The following ZNF174 variants were observed in gnomAD, a reference collection of about 807,000 sequenced individuals.
ZNF174 encodes zinc finger protein 174.
ZNF174 carries 30 observed loss-of-function variants against 38.7 expected under a neutral mutation model. That is an observed-to-expected ratio of 0.78 (90% CI 0.58 to 1.05). The LOEUF is 1.05. ZNF174 is among the 50% of genes least tolerant of loss of function. ZNF174 has a pLI of 0.00. For missense variants in ZNF174, 499 were observed against 495.6 expected (o/e 1.01, Z -0.06); for synonymous variants, 201 against 181.7 (o/e 1.11, Z -0.86).
chr16:3,404,571 C>T lies in ZNF174; in HGVS notation c.548C>T (p.Ala183Val), dbSNP rs751156550. ...SSPAEPSQAGAYDRLSPHHWE... is the reference protein window; with the variant it reads ...SSPAEPSQAGVYDRLSPHHWE... ...CCAGCAGAGCCTTCCCAGGCAGGAG[C>T]TTATGACCGGCTGAGCCCCCATCAT... Residue 183 changes from alanine to valine, a missense_variant, in exon 2 of 3, where the codon GCT becomes GTT. Transcript: ENST00000268655. The T allele has an allele frequency of 6.2e-7, 1 of 1,614,212 alleles. No individual in the cohort carries two copies. The highest frequency in any genetic ancestry group is 2.2e-5 in the East Asian group (1 of 44,876).
intron 2 of ZNF174, chr16:3,405,171 G>T: frequency 8.2e-7 from 1 of 1,221,422 alleles, no homozygotes; most frequent in Non-Finnish European, 1.1e-6. Context: ...AAGCCTGAAT[G>T]ACAGTGACAT....
intron 2 of ZNF174, among the ~76,000 whole-genome samples, chr16:3,406,530 C>CT (rs796884012): frequency 1.5e-4 from 23 of 152,332 alleles, no homozygotes; most frequent in African/African-American, 5.5e-4. Flanking sequence ...TCCCTAGTGA[C>CT]TAATGGTGTT....
chr16:3,406,320 C>T (rs2034055488), intron 2 of ZNF174, among the ~76,000 whole-genome samples: 3 of 152,132 alleles, frequency 2.0e-5, no homozygotes, highest in African/African-American at 7.2e-5. Flanking sequence ...GTGGAATTAC[C>T]ATATGCTAGG....
chr16:3,402,469 C>CT (rs2033951125), intron 1 of ZNF174, 63 bp downstream of exon 1: 6 of 663,086 alleles, frequency 9.0e-6, no homozygotes, highest in Admixed American at 1.0e-4. Context: ...TTTTTTTTTT[C>CT]TTTTTTTGAG....
rs1281249920 is a variant in ZNF174 at position 3,403,984 on chromosome 16, T to G, written c.403-442T>G. On this transcript the variant is annotated intron_variant, in intron 1 of 2. Transcript: ENST00000268655. ...ACCCCTACTACTACTGGGATCTCCT[T>G]ACCAGGAAAGCCTTTGGCAGAACAA... Among the ~76,000 whole-genome samples, 5 of 152,196 alleles carry G rather than the reference T, an allele frequency of 3.3e-5. No individual in the cohort carries two copies. The East Asian group carries it at 7.7e-4, about 23-fold the overall frequency.
In ZNF174 at chr16:3,401,827, C is replaced by G; in HGVS notation, c.-178C>G. The G allele has an allele frequency of 2.7e-6, 2 of 732,866 alleles. No individual in the cohort carries two copies. The highest frequency in any genetic ancestry group is 4.3e-6 in the Non-Finnish European group (2 of 461,558). The allele number at this position is 732,866 out of a possible 1,614,324, so 45.4% of individuals were successfully genotyped here. On this transcript the variant is annotated 5_prime_UTR_variant, in exon 1 of 3. Transcript: ENST00000268655. ...TTCCCACTCCCAGGGACCGCGTTGT[C>G]TTGAGTTTGGCTAGTAAAGGCTAGC...
intron 1 of ZNF174, among the ~76,000 whole-genome samples, chr16:3,403,360 G>C (rs971052218): frequency 1.3e-5 from 2 of 151,292 alleles, no homozygotes; most frequent in African/African-American, 2.4e-5. Context: ...TAGTAGAGAG[G>C]GGGTTTCACT....
At position 3,408,518 on chromosome 16, in the gene ZNF174, C is replaced by A. The variant is rs757509333; in HGVS notation, c.823C>A (p.His275Asn). ...CCCAAATGCTCAAAAGCCATTTGCTCACTACCAGAGACATTGCAGGGTGGA... is the reference window on the plus strand; with the variant it reads ...CCCAAATGCTCAAAAGCCATTTGCTAACTACCAGAGACATTGCAGGGTGGA... The part of the protein sequence containing the change: ...SSPNAQKPFA[H>N]YQRHCRVEYI... The change falls in exon 3 of 3, where the codon CAC (histidine) becomes AAC (asparagine). Residue 275 changes from histidine (H) to asparagine (N), a missense_variant. Transcript: ENST00000268655. 1 of 1,614,166 alleles carries A rather than the reference C, an allele frequency of 6.2e-7. No homozygotes were observed. Among genetic ancestry groups the A allele is most frequent in the Admixed American group, 1.7e-5 (1 of 60,020 alleles).
rs779545978 is a variant in ZNF174 at position 3,408,675 on chromosome 16, A to G, written c.980A>G (p.Lys327Arg). The G allele has an allele frequency of 6.2e-7, 1 of 1,614,148 alleles. No homozygotes were observed. The highest frequency in any genetic ancestry group is 8.5e-7 in the Non-Finnish European group (1 of 1,180,014). Residue 327 changes from lysine to arginine, a missense_variant, in exon 3 of 3, where the codon AAA becomes AGA. Physicochemically the swap from Lys to Arg is conservative, Grantham distance 26 (BLOSUM62 2). Transcript: ENST00000268655. ...QPTRSAKKPY[K>R]CDDCGKSFTW... is the part of the protein sequence containing the mutation. ...ACCCGCTCAGCAAAGAAACCCTACA[A>G]ATGTGATGACTGTGGGAAAAGCTTC...
chr16:3,403,150 CTTTTTTTTTTTTTTTTTTTTTTTT>C (rs753071209), intron 1 of ZNF174, among the ~76,000 whole-genome samples: 6 of 30,974 alleles, frequency 1.9e-4, no homozygotes, highest in Admixed American at 5.2e-4. Context: ...AGCTTATAGT[CTTTTTTTTTTTTTTTTTTTTTTTT>C]TTTTTTTTTT....
At position 3,408,899 on chromosome 16, in the gene ZNF174, C is replaced by T. The variant is rs761098156; in HGVS notation, c.1204C>T (p.Arg402Ter). 7 of 1,609,856 alleles carry T rather than the reference C, an allele frequency of 4.3e-6. No homozygotes were observed. Among genetic ancestry groups the T allele is most frequent in the South Asian group, 1.1e-5 (1 of 90,806 alleles). ...GAGCTCAAACCTTCACCAGCATCAC[C>T]GACTTCACCATGGGGACTAAAAGGA... ...RQSSNLHQHH[R>*]LHHGD is the part of the protein sequence containing the mutation. Residue 402 changes from arginine (R) to a stop codon, truncating the protein, a stop_gained, in exon 3 of 3, where the codon CGA becomes TGA. Coordinates refer to ENST00000268655, the MANE Select transcript of ZNF174 (RefSeq NM_003450.3). LOFTEE classifies it high-confidence loss of function.
At chr16:3,405,496 A>G (rs905353167) in intron 2 of ZNF174, among the ~76,000 whole-genome samples, 2 of 152,086 alleles carry the variant, frequency 1.3e-5, no homozygotes, top group African/African-American at 4.8e-5. Context: ...AGGGGAAGAC[A>G]GGCTCCCGTG....
At chr16:3,405,543 A>AG (rs1409048854) in intron 2 of ZNF174, among the ~76,000 whole-genome samples, 1 of 152,166 alleles carries the variant, frequency 6.6e-6, no homozygotes, top group African/African-American at 2.4e-5. Flanking sequence ...CATTCCAGTG[A>AG]GGGCAGCACC....
rs771582754 is a variant in ZNF174, at chr16:3,402,116, A to C, written c.112A>C (p.Asn38His). Reference sequence around the variant, plus strand: ...GAAACGGGGCCCTCCTCTGCAAAAAAACTGCCCAGATCCTGAGCTCTGCCG... The same window carrying C: ...GAAACGGGGCCCTCCTCTGCAAAAACACTGCCCAGATCCTGAGCTCTGCCG... Reference protein sequence around the residue: ...EEKRGPPLQKNCPDPELCRQS... With the variant: ...EEKRGPPLQKHCPDPELCRQS... Residue 38 changes from asparagine to histidine, a missense_variant, in exon 1 of 3, where the codon AAC becomes CAC. Coordinates refer to ENST00000268655, the MANE Select transcript of ZNF174 (RefSeq NM_003450.3). The C allele has an allele frequency of 3.7e-6, 6 of 1,614,172 alleles. No homozygotes were observed. Among genetic ancestry groups the C allele is most frequent in the Non-Finnish European group, 5.1e-6 (6 of 1,180,032 alleles).
Position 3,404,633 on chromosome 16 carries a change from A to C in ZNF174, c.610A>C (p.Lys204Gln), listed in dbSNP as rs2034025698. The C allele has an allele frequency of 6.2e-7, 1 of 1,614,048 alleles. No individual in the cohort carries two copies. The highest frequency in any genetic ancestry group is 1.3e-5 in the African/African-American group (1 of 74,920). The change falls in exon 2 of 3, where the codon AAA becomes CAA. Residue 204 changes from lysine to glutamine, a missense_variant. Lys to Gln is a moderately conservative substitution (Grantham distance 53, BLOSUM62 1). Transcript: ENST00000268655. ...CCCACTCCTCCAAGAACCAACCCCC[A>C]AATTGGCTGGGACAGGTAAACACTC... Reference protein sequence around the residue: ...KSPLLQEPTPKLAGTEAPRMR... With the variant: ...KSPLLQEPTPQLAGTEAPRMR...
chr16:3,408,126 C>T (rs1268832926), intron 2 of ZNF174, among the ~76,000 whole-genome samples, 195 bp from the exon 3 acceptor site: 1 of 152,058 alleles, frequency 6.6e-6, no homozygotes, highest in Admixed American at 6.6e-5. Flanking sequence ...TCAGGCCCAA[C>T]CCCCCGAGAT....
In ZNF174 at chr16:3,404,519, C is replaced by A. The variant is rs769767848; in HGVS notation, c.496C>A (p.Pro166Thr). 6.2e-7 allele frequency: 1 copy of A among 1,614,208 alleles called. No individual in the cohort carries two copies. The highest frequency in any genetic ancestry group is 1.3e-5 in the African/African-American group (1 of 75,052). The part of the protein sequence containing the change: ...QELPDFQPQT[P>T]RRDLRESSPA... ...ACTGCCAGACTTTCAACCGCAGACTCCTAGGAGAGATCTCAGGGAGAGCTC... is the reference window on the plus strand; with the variant it reads ...ACTGCCAGACTTTCAACCGCAGACTACTAGGAGAGATCTCAGGGAGAGCTC... Residue 166 changes from proline (P) to threonine (T), a missense_variant, in exon 2 of 3, where the codon CCT (proline) becomes ACT (threonine). Transcript: ENST00000268655.
At position 3,408,954 on chromosome 16, in the gene ZNF174, G is replaced by T. The variant is rs1804582; in HGVS notation, c.*35G>T. On this transcript the variant is annotated 3_prime_UTR_variant, in exon 3 of 3. Transcript: ENST00000268655. ...TCCATGCTTTAGATTCACACGGAAG[G>T]TGTTTGTGTTTCTCCTCCCCCTTAC... is the stretch of plus-strand genomic sequence containing the variant. 1.3e-6 allele frequency: 2 copies of T among 1,544,490 alleles called. No individual in the cohort carries two copies. The highest frequency in any genetic ancestry group is 2.8e-5 in the African/African-American group (2 of 72,646).
intron 2 of ZNF174, among the ~76,000 whole-genome samples, chr16:3,407,881 G>T (rs1178665158): frequency 1.3e-5 from 2 of 152,170 alleles, no homozygotes; most frequent in Non-Finnish European, 2.9e-5. Flanking sequence ...CTAAGTGAGG[G>T]GTATTTGTTG....
Sources: gnomAD v4.1 joint callset for allele counts (sites outside exome capture counted in the v4.1 genomes callset) on GRCh38, gnomAD v4.1.1 for gene constraint, MANE v1.5 for transcripts, NCBI Gene and HGNC (gene_info 2026-07-23, HGNC 2026-07-21) for gene names.